The following CATSPER3 variants were observed in gnomAD, a reference collection of about 807,000 sequenced individuals.
The protein encoded by CATSPER3 is cation channel sperm associated 3, also known as cation channel sperm-associated protein 3.
CATSPER3 carries 23 observed loss-of-function variants against 36.6 expected under a neutral mutation model. The observed-to-expected ratio is 0.63, with a 90% CI of 0.45 to 0.89. The LOEUF is 0.89. Among genes scored for constraint, CATSPER3 ranks in the 40% least tolerant of loss-of-function variants. The pLI, the probability that CATSPER3 is intolerant of heterozygous loss-of-function variation, is 0.00. For synonymous variants in CATSPER3, 172 were observed against 184.1 expected (o/e 0.93, Z 0.53); for missense variants, 474 against 503.9 (o/e 0.94, Z 0.57).
intron 7 of CATSPER3, among the ~76,000 whole-genome samples, 166 bp downstream of exon 7, chr5:135,010,696 C>G (rs1405451292): frequency 6.6e-6 from 1 of 152,156 alleles, no homozygotes; most frequent in African/African-American, 2.4e-5. Context: ...TACACAGGGG[C>G]TGGGCTGCTG....
intron 2 of CATSPER3, among the ~76,000 whole-genome samples, chr5:134,978,145 G>C (rs1751698227): frequency 6.6e-6 from 1 of 152,180 alleles, no homozygotes; most frequent in South Asian, 2.1e-4. Flanking sequence ...GGTTGCTAAA[G>C]GCTGGGAAGA....
intron 6 of CATSPER3, among the ~76,000 whole-genome samples, chr5:135,009,803 A>T (rs1428488763): frequency 6.6e-6 from 1 of 152,064 alleles, no homozygotes; most frequent in Non-Finnish European, 1.5e-5. Flanking sequence ...TTGGGGACTC[A>T]CTGGATGCCA....
intron 2 of CATSPER3, among the ~76,000 whole-genome samples, chr5:134,986,458 C>CTTTTTT (rs61671231): frequency 8.6e-6 from 1 of 116,622 alleles, no homozygotes; most frequent in African/African-American, 3.8e-5. Flanking sequence ...ACAGCATACC[C>CTTTTTT]TTTTTTTTTT....
At chr5:134,971,733 G>C (rs1434709105) in intron 2 of CATSPER3, among the ~76,000 whole-genome samples, 1 of 152,154 alleles carries the variant, frequency 6.6e-6, no homozygotes, top group Non-Finnish European at 1.5e-5. Flanking sequence ...CCAGCTAGAG[G>C]TCTTTTTAAA....
At chr5:134,975,176 C>T (rs1459020109) in intron 2 of CATSPER3, 1 of 152,042 alleles carries the variant, frequency 6.6e-6, no homozygotes, top group Non-Finnish European at 1.5e-5. Flanking sequence ...TGTATGAAAG[C>T]CCCTGGTTAA....
chr5:134,973,228 T>C (rs1438199125), intron 2 of CATSPER3, among the ~76,000 whole-genome samples: 1 of 152,154 alleles, frequency 6.6e-6, no homozygotes, highest in African/African-American at 2.4e-5. Context: ...AGAACTAATA[T>C]TAATTGTGGT....
At chr5:134,983,942 A>G (rs911054962) in intron 2 of CATSPER3, among the ~76,000 whole-genome samples, 4 of 152,250 alleles carry the variant, frequency 2.6e-5, no homozygotes, top group Non-Finnish European at 5.9e-5. Context: ...AAGTAGATGC[A>G]TAGATGCAGT....
intron 2 of CATSPER3, among the ~76,000 whole-genome samples, chr5:134,984,516 A>G (rs1041872571): frequency 6.6e-6 from 1 of 152,244 alleles, no homozygotes. Flanking sequence ...ATTTGAAAAA[A>G]TGCTCCATAT....
At chr5:134,996,107 G>A (rs1751941969) in intron 2 of CATSPER3, among the ~76,000 whole-genome samples, 166 bp from the exon 3 acceptor site, 1 of 152,190 alleles carries the variant, frequency 6.6e-6, no homozygotes, top group African/African-American at 2.4e-5. Context: ...AAGGGGAAGG[G>A]AATCAGGCAC....
At chr5:134,986,785 G>T (rs1561460380) in intron 2 of CATSPER3, among the ~76,000 whole-genome samples, 1 of 152,002 alleles carries the variant, frequency 6.6e-6, no homozygotes, top group East Asian at 1.9e-4. Flanking sequence ...TTAACTAATG[G>T]GTCAGAGAAG....
intron 2 of CATSPER3, among the ~76,000 whole-genome samples, chr5:134,980,344 T>TCCTC (rs369505825): frequency 6.8e-6 from 1 of 146,900 alleles, no homozygotes; most frequent in Non-Finnish European, 1.5e-5. Context: ...TTTCTTTCCC[T>TCCTC]CCTCCCTCCC....
At chr5:134,989,510 G>A (rs557792939) in intron 2 of CATSPER3, among the ~76,000 whole-genome samples, 1 of 152,354 alleles carries the variant, frequency 6.6e-6, no homozygotes, top group South Asian at 2.1e-4. Context: ...ATCAGCACTT[G>A]TACTTTTATG....
In CATSPER3 at chr5:135,008,113, T is replaced by G; in HGVS notation, c.649T>G (p.Phe217Val). Residue 217 changes from phenylalanine to valine, a missense_variant, in exon 4 of 8, where the codon TTT becomes GTT. Phe to Val is a conservative substitution (Grantham distance 50). Coordinates refer to ENST00000282611, the MANE Select transcript of CATSPER3 (RefSeq NM_178019.3). ...HDNWGNLAAA[F>V]FTLFSLATVD... ...TAACTGGGGGAACCTGGCTGCAGCTTTTTTCACCCTCTTCAGCTTGGCCAC... is the reference window on the plus strand; with the variant it reads ...TAACTGGGGGAACCTGGCTGCAGCTGTTTTCACCCTCTTCAGCTTGGCCAC... The G allele has an allele frequency of 1.2e-6, 2 of 1,614,086 alleles. No homozygotes were observed. Among genetic ancestry groups the G allele is most frequent in the East Asian group, 4.5e-5 (2 of 44,850 alleles).
intron 2 of CATSPER3, among the ~76,000 whole-genome samples, chr5:134,970,565 T>TG (rs1751590292): frequency 7.2e-6 from 1 of 139,788 alleles, no homozygotes; most frequent in Non-Finnish European, 1.5e-5. Context: ...GGTGACATGG[T>TG]GGATTTTTTT....
intron 1 of CATSPER3, 159 bp from the exon 2 acceptor site, chr5:134,969,780 G>T: frequency 1.3e-6 from 1 of 744,240 alleles, no homozygotes; most frequent in Non-Finnish European, 2.3e-6. Flanking sequence ...ATATGTCAGT[G>T]GTCATTTATT....
chr5:134,992,894 CT>C (rs1395984771), intron 2 of CATSPER3, among the ~76,000 whole-genome samples: 2 of 152,200 alleles, frequency 1.3e-5, no homozygotes, highest in Non-Finnish European at 2.9e-5. Flanking sequence ...GGCAATTCCA[CT>C]TCTGGGTATA....
intron 3 of CATSPER3, among the ~76,000 whole-genome samples, chr5:135,006,847 AAAATAAT>A (rs1311385031): frequency 8.8e-6 from 1 of 113,578 alleles, no homozygotes; most frequent in African/African-American, 2.8e-5. Flanking sequence ...AAAAAAAAAA[AAAATAAT>A]AATAATAATA....
chr5:134,983,772 G>A (rs930496868), intron 2 of CATSPER3, among the ~76,000 whole-genome samples: 1 of 152,064 alleles, frequency 6.6e-6, no homozygotes, highest in Non-Finnish European at 1.5e-5. Flanking sequence ...CACTCTCCAG[G>A]ATAGATTATA....
Position 135,008,993 on chromosome 5 carries a change from C to T in CATSPER3, c.816+12C>T. 1 of 1,614,034 alleles carries T rather than the reference C, an allele frequency of 6.2e-7. No individual in the cohort carries two copies. Among genetic ancestry groups the T allele is most frequent in the South Asian group, 1.1e-5 (1 of 91,082 alleles). On this transcript the variant is annotated intron_variant, in intron 5 of 7. Transcript: ENST00000282611. The stretch of plus-strand genomic sequence containing the variant: ...TCATGCACACAGAGGTGAGGCCACA[C>T]CTGTGAGGATCGGAGGTCAGGGCAG...
Sources: gnomAD v4.1 joint callset for allele counts (sites outside exome capture counted in the v4.1 genomes callset) on GRCh38, gnomAD v4.1.1 for gene constraint, MANE v1.5 for transcripts, NCBI Gene and HGNC (gene_info 2026-07-23, HGNC 2026-07-21) for gene names.